Variants in PUS1 observed in about 807,000 individuals in gnomAD.
PUS1 encodes pseudouridylate synthase 1 homolog.
A neutral mutation model predicts 38.5 loss-of-function variants in PUS1; 25 were observed. That is an observed-to-expected ratio of 0.65 (90% CI 0.47 to 0.91). The LOEUF is 0.91. Among genes scored for constraint, PUS1 ranks in the 40% least tolerant of loss-of-function variants. The pLI, the probability that PUS1 is intolerant of heterozygous loss-of-function variation, is 0.00. For missense variants in PUS1, 597 were observed against 612.3 expected, an observed-to-expected ratio of 0.97 and a Z score of 0.26; for synonymous variants, 282 against 260.4, an observed-to-expected ratio of 1.08 and a Z score of -0.80.
In PUS1 at chr12:131,937,954, A is replaced by G. The variant is rs191260400; in HGVS notation, c.442-1219A>G. ...CAAGGGACTGTGACATCCTTCAGCA[A>G]CCTCACTCTATCAACCTGATAGAGT... is the stretch of plus-strand genomic sequence containing the variant. On this transcript the variant is annotated intron_variant, in intron 3 of 5. Transcript: ENST00000376649. 1.4e-4 allele frequency among the ~76,000 whole-genome samples: 21 copies of G among 152,270 alleles called. No homozygotes were observed. The East Asian group carries it at 4.1e-3, about 29-fold the overall frequency.
chr12:131,941,876 A>G lies in PUS1; in HGVS notation c.1129A>G (p.Ile377Val), dbSNP rs200292016. 1.2e-6 allele frequency: 2 copies of G among 1,613,766 alleles called. No individual in the cohort carries two copies. Among genetic ancestry groups the G allele is most frequent in the East Asian group, 2.2e-5 (1 of 44,880 alleles). ...AFKEEHIYPT[I>V]IGTERDERSM... is the part of the protein sequence containing the mutation. ...CAAGGAGGAGCACATCTACCCCACC[A>G]TCATCGGCACCGAGCGGGACGAACG... Residue 377 changes from isoleucine to valine, a missense_variant, in exon 5 of 6, where the codon ATC becomes GTC. Ile to Val is a conservative substitution (Grantham distance 29). Coordinates refer to ENST00000376649, the MANE Select transcript of PUS1 (RefSeq NM_025215.6). This position sits in a 1 kb window ranked among gnomAD's most constrained non-coding sequence, Gnocchi z 4.4.
Position 131,941,647 on chromosome 12 carries a change from G to T in PUS1, c.900G>T (p.Leu300=). 6.2e-7 allele frequency: 1 copy of T among 1,614,196 alleles called. No individual in the cohort carries two copies. Among genetic ancestry groups the T allele is most frequent in the Non-Finnish European group, 8.5e-7 (1 of 1,180,028 alleles). The change falls in exon 5 of 6, where the codon CTG becomes CTT. Residue 300 remains leucine, a synonymous_variant. Coordinates refer to ENST00000376649, the MANE Select transcript of PUS1 (RefSeq NM_025215.6). This position sits in a 1 kb window ranked among gnomAD's most constrained non-coding sequence, Gnocchi z 4.4. ...MMHQIRKMVG[L]VVAIVKGYAP... ...ATCAGATCCGGAAGATGGTCGGCCTGGTGGTGGCCATTGTGAAGGGTTATG... is the reference window on the plus strand; with the variant it reads ...ATCAGATCCGGAAGATGGTCGGCCTTGTGGTGGCCATTGTGAAGGGTTATG...
intron 3 of PUS1, chr12:131,932,916 C>T (rs539410649): frequency 1.5e-5 from 6 of 397,804 alleles, no homozygotes; most frequent in South Asian, 1.1e-4. Flanking sequence ...GTTGAATTGA[C>T]TCAGTTCCAC....
chr12:131,942,602 T>G (rs1409950792), intron 5 of PUS1, among the ~76,000 whole-genome samples: 1 of 152,070 alleles, frequency 6.6e-6, no homozygotes, highest in Non-Finnish European at 1.5e-5. Context: ...GAGATGGGGT[T>G]TCACCATGTT....
At position 131,945,085 on chromosome 12, in the gene PUS1, A is replaced by C. The variant is rs1242201947; in HGVS notation, c.*1499A>C. On this transcript the variant is annotated 3_prime_UTR_variant, in exon 6 of 6. Transcript: ENST00000376649. ...GATGCCCCAGCGGTGCACACAACTA[A>C]TGCGCATGCGCCTGACGTGCCAACA... 2 of 152,292 alleles carry C rather than the reference A, an allele frequency of 1.3e-5. No homozygotes were observed. The highest frequency in any genetic ancestry group is 4.8e-5 in the African/African-American group (2 of 41,466). 9.4% of individuals were successfully genotyped at this position (152,292 alleles called of 1,614,324 possible). A position where few individuals can be genotyped will look rare whatever the true frequency, so the allele number is the denominator to read the frequency against.
chr12:131,933,126 A>G (rs1000145772), intron 3 of PUS1, among the ~76,000 whole-genome samples: 10 of 151,794 alleles, frequency 6.6e-5, no homozygotes, highest in African/African-American at 2.4e-4. Context: ...TACCTTCAAC[A>G]TGAGATTTGG....
At position 131,932,467 on chromosome 12, in the gene PUS1, G is replaced by A. The variant is rs1310362353; in HGVS notation, c.441+155G>A. On this transcript the variant is annotated intron_variant, in intron 3 of 5. Transcript: ENST00000376649. ...CCTTATGTAGGTGAGACGTCCAGGAGCCTGGTCGGCTCAGGTATAGCTGGA... is the reference window on the plus strand; with the variant it reads ...CCTTATGTAGGTGAGACGTCCAGGAACCTGGTCGGCTCAGGTATAGCTGGA... The A allele has an allele frequency of 9.6e-6, 8 of 830,716 alleles. No homozygotes were observed. In the Admixed American group the frequency reaches 1.7e-4, roughly 17 times the overall value. 51.5% of individuals were successfully genotyped at this position (830,716 alleles called of 1,614,324 possible).
intron 3 of PUS1, among the ~76,000 whole-genome samples, chr12:131,933,951 C>T (rs1890718083): frequency 6.6e-6 from 1 of 152,194 alleles, no homozygotes; most frequent in Admixed American, 6.5e-5. Context: ...GGGTAAGGAG[C>T]GTGTGTCATC....
In PUS1 at chr12:131,929,511, C is replaced by A. The variant is rs571199130; in HGVS notation, c.-212C>A. The stretch of plus-strand genomic sequence containing the variant: ...GCGCGGGGCCTGAGAGGTCAGGGGT[C>A]AGCAGGAGTGAGGCTGGGGCGTCCA... On this transcript the variant is annotated 5_prime_UTR_variant, in exon 1 of 6. Transcript: ENST00000376649. 2.2e-5 allele frequency: 11 copies of A among 489,912 alleles called. No individual in the cohort carries two copies. Among genetic ancestry groups the A allele is most frequent in the African/African-American group, 1.4e-4 (7 of 49,044 alleles). 30.3% of individuals were successfully genotyped at this position (489,912 alleles called of 1,614,324 possible). A position where few individuals can be genotyped will look rare whatever the true frequency, so the allele number is the denominator to read the frequency against.
chr12:131,929,494 C>A lies in PUS1; in HGVS notation c.-229C>A. The A allele has an allele frequency of 2.2e-6, 1 of 458,446 alleles. No homozygotes were observed. Among genetic ancestry groups the A allele is most frequent in the Non-Finnish European group, 3.8e-6 (1 of 260,234 alleles). 28.4% of individuals were successfully genotyped at this position (458,446 alleles called of 1,614,324 possible). A position where few individuals can be genotyped will look rare whatever the true frequency, so the allele number is the denominator to read the frequency against. ...GTAGAGACGGGGCTTGGGCGCGGGGCCTGAGAGGTCAGGGGTCAGCAGGAG... is the reference window on the plus strand; with the variant it reads ...GTAGAGACGGGGCTTGGGCGCGGGGACTGAGAGGTCAGGGGTCAGCAGGAG... On this transcript the variant is annotated 5_prime_UTR_variant, in exon 1 of 6. Coordinates refer to ENST00000376649, the MANE Select transcript of PUS1 (RefSeq NM_025215.6).
Position 131,941,947 on chromosome 12 carries a change from T to C in PUS1, c.1200T>C (p.Ser400=). ...WLSTLPIHNF[S]ATALTAGGTG... Reference sequence around the variant, plus strand: ...GCACCTTGCCCATCCACAACTTCAGTGCCACCGCTCTCACGGCAGGTGGCA... The same window carrying C: ...GCACCTTGCCCATCCACAACTTCAGCGCCACCGCTCTCACGGCAGGTGGCA... The change falls in exon 5 of 6, where the codon AGT becomes AGC. Residue 400 remains serine, a synonymous_variant. Coordinates refer to ENST00000376649, the MANE Select transcript of PUS1 (RefSeq NM_025215.6). This position sits in a 1 kb window ranked among gnomAD's most constrained non-coding sequence, Gnocchi z 4.4. 6.2e-7 allele frequency: 1 copy of C among 1,613,146 alleles called. No individual in the cohort carries two copies. Among genetic ancestry groups the C allele is most frequent in the Admixed American group, 1.7e-5 (1 of 60,016 alleles).
At chr12:131,939,961 T>C (rs1171648077) in intron 4 of PUS1, among the ~76,000 whole-genome samples, 1 of 152,148 alleles carries the variant, frequency 6.6e-6, no homozygotes, top group Non-Finnish European at 1.5e-5. Context: ...GTCGTCTTGC[T>C]CTCTGTTTTC....
chr12:131,943,349 C>G (rs1891171210), intron 5 of PUS1, among the ~76,000 whole-genome samples, 190 bp from the exon 6 acceptor site: 1 of 152,234 alleles, frequency 6.6e-6, no homozygotes, highest in South Asian at 2.1e-4. Context: ...GTCCCCAGCC[C>G]TTGGCTTTCC....
rs368258455 is a variant in PUS1, at chr12:131,941,900, C to T, written c.1153C>T (p.Arg385Cys). Residue 385 changes from arginine to cysteine, a missense_variant, in exon 5 of 6, where the codon CGC (arginine) becomes TGC (cysteine). Physicochemically the swap from Arg to Cys is radical, Grantham distance 180. Transcript: ENST00000376649. This position sits in a 1 kb window ranked among gnomAD's most constrained non-coding sequence, Gnocchi z 4.4. ...CATCATCGGCACCGAGCGGGACGAA[C>T]GCTCCATGGCCCAGTGGCTGAGCAC... ...PTIIGTERDE[R>C]SMAQWLSTLP... 80 of 1,613,438 alleles carry T rather than the reference C, an allele frequency of 5.0e-5. No homozygotes were observed. In the South Asian group the frequency reaches 6.5e-4, roughly 13 times the overall value.
chr12:131,935,204 G>C lies in PUS1; in HGVS notation c.441+2892G>C, dbSNP rs139469594. ...ATCCACAAGTTCACTCCTAGTGGGT[G>C]GGGGTGATGCATCTGTGGCTCAAGG... On this transcript the variant is annotated intron_variant, in intron 3 of 5. Transcript: ENST00000376649. Among the ~76,000 whole-genome samples, 313 of 152,336 alleles carry C rather than the reference G, an allele frequency of 2.1e-3. 1 individual carries two copies. The highest frequency in any genetic ancestry group is 5.8e-3 in the African/African-American group (240 of 41,566).
At chr12:131,934,880 C>T (rs1297059102) in intron 3 of PUS1, 1 of 152,264 alleles carries the variant, frequency 6.6e-6, no homozygotes, top group African/African-American at 2.4e-5. Flanking sequence ...TTTTGCCGGT[C>T]AGGATCCTCC....
At chr12:131,932,528 C>T in intron 3 of PUS1, 1 of 608,566 alleles carries the variant, frequency 1.6e-6, no homozygotes, top group East Asian at 2.8e-5. Context: ...TCTGTGTTCT[C>T]TCTGGTCTTT....
In PUS1 at chr12:131,941,537, CTGGAGA is replaced by C. The variant is rs1891067336; in HGVS notation, c.793_798del (p.Glu265_Met266del). 5 of 1,614,226 alleles carry C rather than the reference CTGGAGA, an allele frequency of 3.1e-6. No homozygotes were observed. Among genetic ancestry groups the C allele is most frequent in the Non-Finnish European group, 4.2e-6 (5 of 1,180,034 alleles). Reference sequence around the variant, plus strand: ...GGATCCCAGTGCCTGCCGCTACATCCTGGAGATGTACTGCGAGGAACCCTTTGTGCG... The same window carrying C: ...GGATCCCAGTGCCTGCCGCTACATCCTGTACTGCGAGGAACCCTTTGTGCG... On this transcript the variant is annotated inframe_deletion, in exon 5 of 6. Transcript: ENST00000376649. This position sits in a 1 kb window ranked among gnomAD's most constrained non-coding sequence, Gnocchi z 4.4.
At chr12:131,930,653 C>T (rs1035392304) in intron 2 of PUS1, among the ~76,000 whole-genome samples, 1 of 151,970 alleles carries the variant, frequency 6.6e-6, no homozygotes, top group African/African-American at 2.4e-5. Flanking sequence ...GCGTGGTCTC[C>T]CTTTGTGGTC....
Sources: allele counts gnomAD v4.1 joint callset (sites outside exome capture counted in the v4.1 genomes callset), GRCh38; gene constraint gnomAD v4.1.1; non-coding constraint Gnocchi (gnomAD v3.1); transcripts MANE v1.5; gene names NCBI Gene and HGNC (gene_info 2026-07-23, HGNC 2026-07-21).